The following DPP10 variants were observed in gnomAD, a reference collection of about 807,000 sequenced individuals.
The protein encoded by DPP10 is dipeptidyl peptidase like 10.
DPP10 carries 33 observed loss-of-function variants against 120.9 expected under a neutral mutation model. The ratio of observed to expected loss-of-function variants is 0.27; its 90% confidence interval spans 0.21 to 0.37. The LOEUF (loss-of-function observed/expected upper bound fraction) is 0.37. Among genes scored for constraint, DPP10 ranks in the 10% least tolerant of loss-of-function variants. The pLI is 1.00. For synonymous variants in DPP10, 337 were observed against 326.1 expected (o/e 1.03, Z -0.36); for missense variants, 816 against 942.8 (o/e 0.87, Z 1.76).
chr2:115,016,355 C>T (rs978403628), intron 1 of DPP10, among the ~76,000 whole-genome samples: 1 of 152,074 alleles, frequency 6.6e-6, no homozygotes, highest in South Asian at 2.1e-4. Context: ...TAAATTAACT[C>T]AAGATGGAAT....
chr2:115,605,905 C>G (rs1378124810), intron 5 of DPP10, among the ~76,000 whole-genome samples: 1 of 152,032 alleles, frequency 6.6e-6, no homozygotes, highest in Non-Finnish European at 1.5e-5. Flanking sequence ...GATCCAGATT[C>G]ACAAAGAAAT....
intron 13 of DPP10, among the ~76,000 whole-genome samples, chr2:115,775,050 A>G (rs1681928642): frequency 6.6e-6 from 1 of 152,138 alleles, no homozygotes; most frequent in Admixed American, 6.6e-5. Flanking sequence ...TCAAGAAGAA[A>G]TCAGCAAACA....
At chr2:115,070,921 G>A (rs1051896445) in intron 1 of DPP10, among the ~76,000 whole-genome samples, 11 of 152,194 alleles carry the variant, frequency 7.2e-5, no homozygotes, top group East Asian at 1.9e-4. Flanking sequence ...GGCTTTAGGC[G>A]TGAAATTTCC....
chr2:115,820,357 T>C (rs1687682305), intron 21 of DPP10, among the ~76,000 whole-genome samples: 1 of 152,198 alleles, frequency 6.6e-6, no homozygotes, highest in Non-Finnish European at 1.5e-5. Context: ...TTGATCCTGA[T>C]TAGCCATTTT....
chr2:115,002,737 G>A (rs183961079), intron 1 of DPP10, among the ~76,000 whole-genome samples: 35 of 152,224 alleles, frequency 2.3e-4, no homozygotes, highest in Non-Finnish European at 4.1e-4. Context: ...AGACATTCAT[G>A]TGGCCAACAG....
intron 1 of DPP10, among the ~76,000 whole-genome samples, chr2:114,577,477 G>A (rs542783561): frequency 1.3e-5 from 2 of 152,336 alleles, no homozygotes; most frequent in African/African-American, 4.8e-5. Context: ...GTAACCAGAG[G>A]GGTCCATAGA....
At chr2:114,853,039 G>T (rs990517082) in intron 1 of DPP10, among the ~76,000 whole-genome samples, 1 of 152,126 alleles carries the variant, frequency 6.6e-6, no homozygotes, top group African/African-American at 2.4e-5. Context: ...AGACTTAAAA[G>T]TAAGGTATGT....
intron 1 of DPP10, among the ~76,000 whole-genome samples, chr2:114,805,764 T>C (rs1413621184): frequency 6.6e-6 from 1 of 152,236 alleles, no homozygotes. Context: ...CTGCTTCCTA[T>C]GCCAGAGAGA....
At chr2:114,571,294 T>C (rs1198185882) in intron 1 of DPP10, among the ~76,000 whole-genome samples, 1 of 152,006 alleles carries the variant, frequency 6.6e-6, no homozygotes, top group Non-Finnish European at 1.5e-5. Context: ...TGTTTAAAAG[T>C]GTGGTGCCTC....
chr2:114,866,110 C>T (rs1353634398), intron 1 of DPP10, among the ~76,000 whole-genome samples: 2 of 74,628 alleles, frequency 2.7e-5, no homozygotes, highest in Non-Finnish European at 6.8e-5. Context: ...GACTCTGTCT[C>T]AAAAATAAAT....
intron 3 of DPP10, among the ~76,000 whole-genome samples, chr2:115,447,367 C>T (rs2072702798): frequency 6.6e-6 from 1 of 152,122 alleles, no homozygotes; most frequent in African/African-American, 2.4e-5. Flanking sequence ...CTTTGGATTT[C>T]AGACTTTTGG....
At position 115,162,091 on chromosome 2, in the gene DPP10, C is replaced by T. The variant is rs1395632518; in HGVS notation, c.61-147148C>T. 2.0e-6 allele frequency: 3 copies of T among 1,496,548 alleles called. No homozygotes were observed. In the South Asian group the frequency reaches 3.8e-5, roughly 19 times the overall value. 92.7% of individuals were successfully genotyped at this position (1,496,548 alleles called of 1,614,324 possible). ...GGGTGGCTCCAGTGCGCGCTCCGCC[C>T]GCCTCCCGCTTCCCAGGCTGGGCTC... On this transcript the variant is annotated intron_variant, in intron 1 of 25. Coordinates refer to ENST00000410059, the MANE Select transcript of DPP10 (RefSeq NM_020868.6).
intron 1 of DPP10, among the ~76,000 whole-genome samples, chr2:114,851,391 T>C (rs949885501): frequency 6.6e-6 from 1 of 152,162 alleles, no homozygotes; most frequent in Non-Finnish European, 1.5e-5. Context: ...ACATTAAATC[T>C]ATAGTTTAAC....
intron 1 of DPP10, among the ~76,000 whole-genome samples, chr2:115,180,116 G>T (rs1203000051): frequency 6.6e-6 from 1 of 152,176 alleles, no homozygotes; most frequent in Non-Finnish European, 1.5e-5. Flanking sequence ...CTTCTAGGAA[G>T]TCAAGCTGCT....
rs543447063 is a variant in DPP10 at position 114,958,051 on chromosome 2, G to A, written c.61-351188G>A. On this transcript the variant is annotated intron_variant, in intron 1 of 25. Coordinates refer to ENST00000410059, the MANE Select transcript of DPP10 (RefSeq NM_020868.6). ...TAATTGAGCAATGAACAGTTTGCAA[G>A]CTGGGCAGCCCCCAGAATCACAGCA... is the stretch of plus-strand genomic sequence containing the variant. Among the ~76,000 whole-genome samples, 14 of 152,302 alleles carry A rather than the reference G, an allele frequency of 9.2e-5. No homozygotes were observed. In the East Asian group the frequency reaches 2.7e-3, roughly 29 times the overall value.
chr2:115,510,131 T>G (rs2148831305), intron 4 of DPP10, among the ~76,000 whole-genome samples: 1 of 152,302 alleles, frequency 6.6e-6, no homozygotes, highest in South Asian at 2.1e-4. Context: ...TTCAAATGTT[T>G]TCTCCCAGGT....
At chr2:115,097,334 A>T (rs879581648) in intron 1 of DPP10, among the ~76,000 whole-genome samples, 6 of 152,162 alleles carry the variant, frequency 3.9e-5, no homozygotes, top group Non-Finnish European at 7.4e-5. Context: ...TCCAAATCTG[A>T]TTCTGTATTG....
chr2:115,383,103 T>A (rs1274628778), intron 3 of DPP10, among the ~76,000 whole-genome samples: 2 of 152,142 alleles, frequency 1.3e-5, no homozygotes, highest in South Asian at 2.1e-4. Flanking sequence ...CCACAATGGG[T>A]AAATAGCCTG....
At chr2:115,145,220 TG>T in intron 1 of DPP10, among the ~76,000 whole-genome samples, 1 of 152,310 alleles carries the variant, frequency 6.6e-6, no homozygotes, top group African/African-American at 2.4e-5. Context: ...TTTTGATTAA[TG>T]TATAATGACA....
Sources: allele counts gnomAD v4.1 joint callset (sites outside exome capture counted in the v4.1 genomes callset), GRCh38; gene constraint gnomAD v4.1.1; transcripts MANE v1.5; gene names NCBI Gene and HGNC (gene_info 2026-07-23, HGNC 2026-07-21).